DLG1: variants seen among roughly 807,000 people sequenced by gnomAD.
DLG1 encodes the protein discs large MAGUK scaffold protein 1, also known as disks large homolog 1.
Under a neutral mutation model 123.4 loss-of-function variants are expected in DLG1, and 42 were observed. That is an observed-to-expected ratio of 0.34 (90% CI 0.27 to 0.44). The LOEUF is 0.44. DLG1 is among the 20% of genes least tolerant of loss of function. The pLI is 1.00. For missense variants in DLG1, 942 were observed against 1,082.6 expected (o/e 0.87, Z 1.82); for synonymous variants, 317 against 356.2 (o/e 0.89, Z 1.24).
chr3:197,236,086 G>A (rs1158279153), intron 4 of DLG1, among the ~76,000 whole-genome samples: 1 of 152,142 alleles, frequency 6.6e-6, no homozygotes, highest in East Asian at 1.9e-4. Context: ...GCCCAAGGTA[G>A]GCAGACTGCT....
At chr3:197,116,571 T>C (rs1028988384) in intron 12 of DLG1, among the ~76,000 whole-genome samples, 1 of 152,188 alleles carries the variant, frequency 6.6e-6, no homozygotes, top group African/African-American at 2.4e-5. Context: ...GGTGAGAGTA[T>C]AACCCCATTC....
At chr3:197,101,831 G>A (rs963891605) in intron 14 of DLG1, among the ~76,000 whole-genome samples, 6 of 151,970 alleles carry the variant, frequency 3.9e-5, no homozygotes, top group South Asian at 2.1e-4. Flanking sequence ...TCACTCTGTC[G>A]CCCAGGCTCA....
At chr3:197,283,601 G>A (rs1342134707) in intron 3 of DLG1, among the ~76,000 whole-genome samples, 2 of 151,994 alleles carry the variant, frequency 1.3e-5, no homozygotes, top group Admixed American at 6.6e-5. Flanking sequence ...AATTATTCCC[G>A]CTATTCCGAA....
chr3:197,043,664 A>T lies in DLG1; in HGVS notation c.*959T>A, dbSNP rs1721336053. 6.7e-6 allele frequency: 1 copy of T among 148,860 alleles called. No homozygotes were observed. Among genetic ancestry groups the T allele is most frequent in the Admixed American group, 6.8e-5 (1 of 14,780 alleles). 9.2% of individuals were successfully genotyped at this position (148,860 alleles called of 1,614,324 possible). Reference sequence around the variant, plus strand: ...TAAAGAAAGTTTTATATATATATTTATATATATTTTATTATAACAAAATAG... The same window carrying T: ...TAAAGAAAGTTTTATATATATATTTTTATATATTTTATTATAACAAAATAG... On this transcript the variant is annotated 3_prime_UTR_variant, in exon 25 of 25. Coordinates refer to ENST00000667157, the MANE Select transcript of DLG1 (RefSeq NM_001366207.1).
intron 4 of DLG1, 41 bp from the exon 5 acceptor site, chr3:197,194,630 A>G (rs757802977): frequency 1.0e-5 from 15 of 1,444,716 alleles, no homozygotes; most frequent in Non-Finnish European, 1.4e-5. Flanking sequence ...GATAAGCAAC[A>G]TGAGTTTAAT....
At chr3:197,227,449 T>C (rs933056723) in intron 4 of DLG1, among the ~76,000 whole-genome samples, 14 of 151,854 alleles carry the variant, frequency 9.2e-5, no homozygotes, top group African/African-American at 3.4e-4. Context: ...CACTCCAGCC[T>C]GGGCGACAGA....
At position 197,100,703 on chromosome 3, in the gene DLG1, G is replaced by C. The variant is rs138429039; in HGVS notation, c.1546+4200C>G. 6.0e-3 allele frequency among the ~76,000 whole-genome samples: 918 copies of C among 152,150 alleles called. 10 individuals carry two copies. Among genetic ancestry groups the C allele is most frequent in the Admixed American group, 6.8e-3 (104 of 15,282 alleles). On this transcript the variant is annotated intron_variant, in intron 14 of 24. Transcript: ENST00000667157. Reference sequence around the variant, plus strand: ...ATGGAGACCCACCCAGAACCCCAGAGTTGCCACAAAGATTTTAAGCTGAAG... The same window carrying C: ...ATGGAGACCCACCCAGAACCCCAGACTTGCCACAAAGATTTTAAGCTGAAG...
At chr3:197,053,877 G>A (rs1230975174) in intron 23 of DLG1, among the ~76,000 whole-genome samples, 1 of 151,630 alleles carries the variant, frequency 6.6e-6, no homozygotes, top group Non-Finnish European at 1.5e-5. Context: ...TGGATCACTT[G>A]AGCTCAGAGT....
chr3:197,261,549 A>C (rs2150965102), intron 4 of DLG1, among the ~76,000 whole-genome samples: 1 of 152,366 alleles, frequency 6.6e-6, no homozygotes, highest in Non-Finnish European at 1.5e-5. Flanking sequence ...GTTTACAGAT[A>C]TTATGAATGA....
At chr3:197,054,355 C>A (rs954562304) in intron 23 of DLG1, among the ~76,000 whole-genome samples, 1 of 152,080 alleles carries the variant, frequency 6.6e-6, no homozygotes, top group South Asian at 2.1e-4. Context: ...CCTTCAAGGA[C>A]CTCCACAATG....
At chr3:197,126,659 G>A (rs1254193901) in intron 11 of DLG1, among the ~76,000 whole-genome samples, 1 of 152,172 alleles carries the variant, frequency 6.6e-6, no homozygotes, top group African/African-American at 2.4e-5. Flanking sequence ...GGAAGTATAT[G>A]TAAGAATTTC....
chr3:197,244,041 T>C (rs1750330559), intron 4 of DLG1, among the ~76,000 whole-genome samples: 1 of 152,344 alleles, frequency 6.6e-6, no homozygotes, highest in East Asian at 1.9e-4. Context: ...AATACCATCC[T>C]ACATTTGCTT....
At chr3:197,219,871 T>C (rs951772966) in intron 4 of DLG1, among the ~76,000 whole-genome samples, 1 of 152,190 alleles carries the variant, frequency 6.6e-6, no homozygotes, top group Non-Finnish European at 1.5e-5. Context: ...CGCCGGCACT[T>C]TGAGCTTGGA....
chr3:197,200,755 T>G (rs1725213127), intron 4 of DLG1, among the ~76,000 whole-genome samples: 1 of 151,904 alleles, frequency 6.6e-6, no homozygotes, highest in Non-Finnish European at 1.5e-5. Context: ...CTCAACAGAC[T>G]CAGAAAAAAC....
intron 4 of DLG1, among the ~76,000 whole-genome samples, chr3:197,225,107 C>T (rs1442062036): frequency 2.6e-5 from 4 of 152,196 alleles, no homozygotes; most frequent in African/African-American, 9.7e-5. Flanking sequence ...CAGGCACCCG[C>T]CACCGCACCC....
At chr3:197,120,273 G>GAAAAAAAAAAAAAAAAA (rs3050713) in intron 11 of DLG1, among the ~76,000 whole-genome samples, 1 of 127,600 alleles carries the variant, frequency 7.8e-6, no homozygotes, top group African/African-American at 2.9e-5. Context: ...TCTCGAGAAA[G>GAAAAAAAAAAAAAAAAA]AAAAAAAAAA....
At chr3:197,170,238 A>G (rs561129170) in intron 5 of DLG1, among the ~76,000 whole-genome samples, 2 of 152,304 alleles carry the variant, frequency 1.3e-5, no homozygotes, top group South Asian at 2.1e-4. Context: ...TCATGTCTTT[A>G]TAACAGAACA....
Position 197,085,502 on chromosome 3 carries a change from GT to G in DLG1, c.1838+77del, listed in dbSNP as rs1252280969. The stretch of plus-strand genomic sequence containing the variant: ...AATGCACTCCAGGTCCATCCATGTT[GT>G]CACAAATTAAAAAAAATTTAAAAGA... On this transcript the variant is annotated intron_variant, in intron 16 of 24. Coordinates refer to ENST00000667157, the MANE Select transcript of DLG1 (RefSeq NM_001366207.1). The G allele has an allele frequency of 2.0e-6, 3 of 1,464,606 alleles. No homozygotes were observed. In the South Asian group the frequency reaches 3.5e-5, roughly 17 times the overall value. The allele number at this position is 1,464,606 out of a possible 1,614,324, so 90.7% of individuals were successfully genotyped here.
intron 17 of DLG1, among the ~76,000 whole-genome samples, chr3:197,079,269 A>C (rs1578687803): frequency 6.6e-6 from 1 of 152,332 alleles, no homozygotes; most frequent in East Asian, 1.9e-4. Context: ...TAATTTCCAC[A>C]TGTATTTCAA....
Sources: gnomAD v4.1 joint callset for allele counts (sites outside exome capture counted in the v4.1 genomes callset) on GRCh38, gnomAD v4.1.1 for gene constraint, MANE v1.5 for transcripts, NCBI Gene and HGNC (gene_info 2026-07-23, HGNC 2026-07-21) for gene names.